ODAD4: variants seen among roughly 807,000 people sequenced by gnomAD.
The protein encoded by ODAD4 is outer dynein arm docking complex subunit 4.
Under a neutral mutation model 51.8 loss-of-function variants are expected in ODAD4, and 49 were observed. The ratio of observed to expected loss-of-function variants is 0.95; its 90% CI spans 0.75 to 1.20. The LOEUF (loss-of-function observed/expected upper bound fraction) is 1.20, where lower values mean the gene tolerates loss of function less well. Ranked by LOEUF, ODAD4 falls within the 50% of genes most tolerant of loss-of-function variation. The pLI is 0.00. For missense variants in ODAD4, 590 were observed against 586.5 expected (o/e 1.01, Z -0.06); for synonymous variants, 235 against 221.3 (o/e 1.06, Z -0.55).
intron 8 of ODAD4, among the ~76,000 whole-genome samples, chr17:41,948,906 C>T (rs907469027): frequency 4.1e-4 from 62 of 152,182 alleles, no homozygotes; most frequent in African/African-American, 1.5e-3. Flanking sequence ...CCTCCCAAAG[C>T]GCTAGAGACA....
intron 11 of ODAD4, among the ~76,000 whole-genome samples, chr17:41,963,757 C>T (rs566287068): frequency 1.9e-4 from 28 of 149,236 alleles, no homozygotes; most frequent in Non-Finnish European, 3.8e-4. Flanking sequence ...GGATTACAGG[C>T]ATGAGCCACT....
At chr17:41,954,670 A>C (rs1227307014) in intron 9 of ODAD4, among the ~76,000 whole-genome samples, 1 of 151,850 alleles carries the variant, frequency 6.6e-6, no homozygotes, top group African/African-American at 2.4e-5. Context: ...GACCAACATG[A>C]CGAAACCCCA....
In ODAD4 at chr17:41,965,119, A is replaced by G. The variant is rs1598096554; in HGVS notation, c.1655A>G (p.Asp552Gly). ...GATGAGAAAGAGACAGATGAGGACG[A>G]TGAGGCTTTTGGGGAAGCTCTGCAG... Reference protein sequence around the residue: ...SEDEKETDEDDEAFGEALQSP... With the variant: ...SEDEKETDEDGEAFGEALQSP... The change falls in exon 12 of 12, where the codon GAT becomes GGT. Residue 552 changes from aspartate to glycine, a missense_variant. By Grantham distance (94) the Asp-to-Gly change is moderately conservative. Coordinates refer to ENST00000377540, the MANE Select transcript of ODAD4 (RefSeq NM_031421.5). The G allele has an allele frequency of 1.3e-6, 1 of 773,826 alleles. No individual in the cohort carries two copies. The highest frequency in any genetic ancestry group is 2.4e-6 in the Non-Finnish European group (1 of 414,816). 47.9% of individuals were successfully genotyped at this position (773,826 alleles called of 1,614,324 possible).
intron 10 of ODAD4, among the ~76,000 whole-genome samples, chr17:41,957,000 GCTCAGGCAATCCTCACACCTTAGCCT>G (rs2050742612): frequency 6.6e-6 from 1 of 152,070 alleles, no homozygotes. Context: ...GACCTCCTGG[GCTCAGGCAATCCTCACACCTTAGCCT>G]CCCATCTAGA....
chr17:41,953,508 T>TATGAAG (rs2050686681), intron 9 of ODAD4, among the ~76,000 whole-genome samples: 1 of 152,004 alleles, frequency 6.6e-6, no homozygotes, highest in Non-Finnish European at 1.5e-5. Flanking sequence ...GTAAGCACTT[T>TATGAAG]CTCCTTTATG....
At chr17:41,963,666 T>C (rs1598095099) in intron 11 of ODAD4, among the ~76,000 whole-genome samples, 1 of 149,762 alleles carries the variant, frequency 6.7e-6, no homozygotes, top group African/African-American at 2.5e-5. Flanking sequence ...TGAAACGGAG[T>C]CTTGTTCTGT....
rs146292922 is a variant in ODAD4 at position 41,955,109 on chromosome 17, C to T, written c.1343-108C>T. The T allele has an allele frequency of 2.4e-3, 1,702 of 714,368 alleles. 5 individuals carry two copies. The highest frequency in any genetic ancestry group is 3.6e-3 in the Non-Finnish European group (1,410 of 386,740). The allele number at this position is 714,368 out of a possible 1,614,324, so 44.3% of individuals were successfully genotyped here. A position where few individuals can be genotyped will look rare whatever the true frequency, so the allele number is the denominator to read the frequency against. The stretch of plus-strand genomic sequence containing the variant: ...GGGGCCTGGGTCCGACTACAGCTCA[C>T]ACAAGCTTCTGATGGGCCCTGGCAG... On this transcript the variant is annotated intron_variant, in intron 9 of 11. Transcript: ENST00000377540.
intron 11 of ODAD4, among the ~76,000 whole-genome samples, chr17:41,961,997 A>G (rs2050811454): frequency 6.6e-6 from 1 of 152,142 alleles, no homozygotes; most frequent in Admixed American, 6.5e-5. Flanking sequence ...TTTCCAGGAG[A>G]GAAGTGGGAG....
chr17:41,963,531 A>G (rs1176845879), intron 11 of ODAD4, among the ~76,000 whole-genome samples: 3 of 152,136 alleles, frequency 2.0e-5, no homozygotes, highest in African/African-American at 7.2e-5. Flanking sequence ...TCCAGCACCT[A>G]TGCTATTTCT....
intron 10 of ODAD4, among the ~76,000 whole-genome samples, chr17:41,956,982 G>A (rs1326701154): frequency 2.0e-5 from 3 of 152,094 alleles, no homozygotes. Context: ...ATAGCTTACT[G>A]TAGGCTTGAC....
intron 10 of ODAD4, 46 bp from the exon 11 acceptor site, chr17:41,961,336 G>A: frequency 2.8e-6 from 2 of 718,984 alleles, no homozygotes; most frequent in Non-Finnish European, 5.2e-6. Context: ...AAAATTAATG[G>A]TGTAGGTGCC....
Position 41,930,794 on chromosome 17 carries a change from A to T in ODAD4, c.71A>T (p.Tyr24Phe), listed in dbSNP as rs200374561. 4.5e-4 allele frequency: 715 copies of T among 1,593,288 alleles called. 1 individual carries two copies. The highest frequency in any genetic ancestry group is 2.4e-4 in the Admixed American group (14 of 58,198). Residue 24 changes from tyrosine to phenylalanine, a missense_variant, in exon 1 of 12, where the codon TAC becomes TTC. Tyr to Phe is a conservative substitution (Grantham distance 22). Around this residue, in one of 3 missense-constraint regions of ODAD4, gnomAD observed 360 missense variants for 407.5 expected, o/e 0.88. Coordinates refer to ENST00000377540, the MANE Select transcript of ODAD4 (RefSeq NM_031421.5). Reference sequence around the variant, plus strand: ...TATATGGCCGAAGGCGAGCGGCTCTACCTGTGCGGGGAATTTTCTAAAGCC... The same window carrying T: ...TATATGGCCGAAGGCGAGCGGCTCTTCCTGTGCGGGGAATTTTCTAAAGCC... ...PSYMAEGERL[Y>F]LCGEFSKAAQ...
At chr17:41,935,852 C>T (rs967516742) in intron 3 of ODAD4, 103 bp downstream of exon 3, 59 of 1,370,652 alleles carry the variant, frequency 4.3e-5, no homozygotes, top group African/African-American at 8.6e-5. Context: ...CCACCAGGCC[C>T]GCAGGGAGTC....
In ODAD4 at chr17:41,965,287, CAA is replaced by C. The variant is rs782472204; in HGVS notation, c.1824_1825del (p.Glu610AsnfsTer3). 8 of 779,658 alleles carry C rather than the reference CAA, an allele frequency of 1.0e-5. No individual in the cohort carries two copies. The highest frequency in any genetic ancestry group is 8.5e-5 in the Admixed American group (5 of 58,852). 48.3% of individuals were successfully genotyped at this position (779,658 alleles called of 1,614,324 possible). ...CTACTAGAAGCTGGCAGAAGAGAGT[CAA>C]GAGAAATTTATAGGAGGCCTTCGGG... On this transcript the variant is annotated frameshift_variant, in exon 12 of 12. Transcript: ENST00000377540. LOFTEE classifies it low-confidence loss of function (END_TRUNC).
chr17:41,951,761 G>A (rs868961194), intron 9 of ODAD4, among the ~76,000 whole-genome samples: 2 of 151,098 alleles, frequency 1.3e-5, no homozygotes, highest in Non-Finnish European at 2.9e-5. Flanking sequence ...GCACACGCCT[G>A]TAGTCCCAAC....
intron 3 of ODAD4, among the ~76,000 whole-genome samples, chr17:41,936,153 G>C (rs2050423123): frequency 6.6e-6 from 1 of 152,212 alleles, no homozygotes; most frequent in Non-Finnish European, 1.5e-5. Flanking sequence ...ATTATGGCAG[G>C]GGGAGAAGGG....
At chr17:41,956,722 C>T (rs1189007321) in intron 10 of ODAD4, among the ~76,000 whole-genome samples, 1 of 151,802 alleles carries the variant, frequency 6.6e-6, no homozygotes, top group East Asian at 1.9e-4. Flanking sequence ...GCACTCCAGC[C>T]TGGGTGACAG....
chr17:41,953,946 GTGAGCCACCGCAC>G (rs2050693253), intron 9 of ODAD4, among the ~76,000 whole-genome samples: 1 of 151,864 alleles, frequency 6.6e-6, no homozygotes, highest in South Asian at 2.1e-4. Flanking sequence ...GATTATAGGT[GTGAGCCACCGCAC>G]CTAGCCTATG....
At chr17:41,952,825 A>G (rs77105499) in intron 9 of ODAD4, among the ~76,000 whole-genome samples, 3,467 of 151,438 alleles carry the variant, frequency 0.023, 138 homozygotes, top group African/African-American at 0.079. Flanking sequence ...TGCAGCCTCA[A>G]CCTCCCAGGC....
Sources: gnomAD v4.1 joint callset for allele counts (sites outside exome capture counted in the v4.1 genomes callset) on GRCh38, gnomAD v4.1.1 for gene constraint, gnomAD v4.1.1 regional missense constraint, MANE v1.5 for transcripts, NCBI Gene and HGNC (gene_info 2026-07-23, HGNC 2026-07-21) for gene names.